Variants in ARHGAP35 observed in about 807,000 individuals in gnomAD.
ARHGAP35 encodes the protein rho GTPase-activating protein 35.
Under a neutral mutation model 111.1 loss-of-function variants are expected in ARHGAP35, and 15 were observed. The ratio of observed to expected loss-of-function variants is 0.13; its 90% CI spans 0.09 to 0.21. The LOEUF is 0.21. Among genes scored for constraint, ARHGAP35 ranks in the 10% least tolerant of loss-of-function variants. ARHGAP35 has a pLI of 1.00. For synonymous variants in ARHGAP35, 643 were observed against 710.3 expected (o/e 0.91, Z 1.51); for missense variants, 1,262 against 1,873.0 (o/e 0.67, Z 6.02).
chr19:46,968,992 C>T (rs1216556690), intron 3 of ARHGAP35, among the ~76,000 whole-genome samples: 4 of 152,002 alleles, frequency 2.6e-5, no homozygotes, highest in Admixed American at 2.0e-4. Flanking sequence ...GAGACTGAGG[C>T]GGAAGAATCT....
Position 46,999,281 on chromosome 19 carries a change from G to T in ARHGAP35, c.4037-23G>T, listed in dbSNP as rs1599875987. 6.5e-7 allele frequency: 1 copy of T among 1,545,522 alleles called. No homozygotes were observed. Among genetic ancestry groups the T allele is most frequent in the African/African-American group, 1.4e-5 (1 of 73,212 alleles). On this transcript the variant is annotated intron_variant, in intron 5 of 6. Coordinates refer to ENST00000672722, the MANE Select transcript of ARHGAP35 (RefSeq NM_004491.5). The surrounding 1 kb of genome is among the most constrained non-coding windows in gnomAD (Gnocchi z 5.4). ...ACCAGCCTCGGCCATGAAAGGCAAG[G>T]CTTTGGTTTTCTCTCTCCTCAGAAA...
chr19:46,929,640 A>G (rs1034902599), intron 2 of ARHGAP35, among the ~76,000 whole-genome samples: 2 of 135,062 alleles, frequency 1.5e-5, no homozygotes, highest in Non-Finnish European at 3.1e-5. Context: ...AACGCCGGGC[A>G]CAGTGGCTCA....
intron 1 of ARHGAP35, among the ~76,000 whole-genome samples, chr19:46,897,544 A>G (rs975673810): frequency 3.3e-5 from 5 of 151,838 alleles, no homozygotes; most frequent in Admixed American, 6.6e-5. Context: ...AGATTTGTCT[A>G]AACAATCTCC....
intron 3 of ARHGAP35, among the ~76,000 whole-genome samples, chr19:46,942,599 T>A (rs59987975): frequency 0.04 from 6,062 of 152,192 alleles, 185 homozygotes; most frequent in East Asian, 0.16. Context: ...ATCGCACCAC[T>A]GCACTCCAGC....
chr19:46,874,573 C>G (rs1395570541), intron 1 of ARHGAP35, among the ~76,000 whole-genome samples: 1 of 129,970 alleles, frequency 7.7e-6, no homozygotes, highest in Non-Finnish European at 1.5e-5. Context: ...GCACAATCTT[C>G]GGCTCACAGC....
At chr19:46,906,570 G>A (rs997547414) in intron 1 of ARHGAP35, among the ~76,000 whole-genome samples, 1 of 152,206 alleles carries the variant, frequency 6.6e-6, no homozygotes, top group African/African-American at 2.4e-5. Flanking sequence ...ACTATAAAGT[G>A]AATACCAATA....
At chr19:46,928,758 C>G (rs1465153271) in intron 2 of ARHGAP35, among the ~76,000 whole-genome samples, 1 of 151,982 alleles carries the variant, frequency 6.6e-6, no homozygotes, top group Non-Finnish European at 1.5e-5. Context: ...ATGGCGAAAC[C>G]CCGTCTCTAC....
Position 46,908,754 on chromosome 19 carries a change from C to T in ARHGAP35, c.-188-9734C>T, listed in dbSNP as rs535370439. Among the ~76,000 whole-genome samples the T allele has an allele frequency of 6.6e-6, 1 of 152,244 alleles. No homozygotes were observed. Among genetic ancestry groups the T allele is most frequent in the South Asian group, 2.1e-4 (1 of 4,822 alleles). On this transcript the variant is annotated intron_variant, in intron 1 of 6. Transcript: ENST00000672722. This position sits in a 1 kb window ranked among gnomAD's most constrained non-coding sequence, Gnocchi z 4.2. Reference sequence around the variant, plus strand: ...GAAATTCTGTTTCTTTGGGACCAGCCTGTAGAGTTCTGCAAGCCTGGAAGC... The same window carrying T: ...GAAATTCTGTTTCTTTGGGACCAGCTTGTAGAGTTCTGCAAGCCTGGAAGC...
At chr19:46,968,947 C>T (rs1311868615) in intron 3 of ARHGAP35, among the ~76,000 whole-genome samples, 1 of 151,962 alleles carries the variant, frequency 6.6e-6, no homozygotes, top group Non-Finnish European at 1.5e-5. Context: ...ATTAGCCGGG[C>T]GTAGTGGTGT....
In ARHGAP35 at chr19:46,988,448, G is replaced by C; in HGVS notation, c.3904+382G>C. On this transcript the variant is annotated intron_variant, in intron 4 of 6. Coordinates refer to ENST00000672722, the MANE Select transcript of ARHGAP35 (RefSeq NM_004491.5). This position sits in a 1 kb window ranked among gnomAD's most constrained non-coding sequence, Gnocchi z 5.4. ...TTGAGATGTGATCCTGTTTTGCCAG[G>C]GCCTCAGATCTACCCTCCTCACAAA... 4.5e-6 allele frequency: 1 copy of C among 221,738 alleles called. No individual in the cohort carries two copies. The highest frequency in any genetic ancestry group is 9.2e-6 in the Non-Finnish European group (1 of 108,788). The allele number at this position is 221,738 out of a possible 1,614,324, so 13.7% of individuals were successfully genotyped here. A position where few individuals can be genotyped will look rare whatever the true frequency, so the allele number is the denominator to read the frequency against.
intron 1 of ARHGAP35, among the ~76,000 whole-genome samples, chr19:46,878,913 G>C (rs960209104): frequency 1.3e-5 from 2 of 152,218 alleles, no homozygotes; most frequent in African/African-American, 4.8e-5. Context: ...GGCTGCAGCA[G>C]TTTGTTAAAA....
chr19:46,887,432 A>C (rs1022948568), intron 1 of ARHGAP35, among the ~76,000 whole-genome samples: 2 of 152,188 alleles, frequency 1.3e-5, no homozygotes, highest in African/African-American at 4.8e-5. Context: ...GGTTATGTGA[A>C]CATTAGGGGA....
rs1030817078 is a variant in ARHGAP35 at position 46,945,573 on chromosome 19, A to G, written c.3826+8165A>G. Among the ~76,000 whole-genome samples, 1 of 152,088 alleles carries G rather than the reference A, an allele frequency of 6.6e-6. No homozygotes were observed. Among genetic ancestry groups the G allele is most frequent in the African/African-American group, 2.4e-5 (1 of 41,388 alleles). ...TTGAGTCAAGCCTTCCTAGGATTCAAGAAATCTGACAGCATAGGAACCCCC... is the reference window on the plus strand; with the variant it reads ...TTGAGTCAAGCCTTCCTAGGATTCAGGAAATCTGACAGCATAGGAACCCCC... On this transcript the variant is annotated intron_variant, in intron 3 of 6. Coordinates refer to ENST00000672722, the MANE Select transcript of ARHGAP35 (RefSeq NM_004491.5). This position sits in a 1 kb window ranked among gnomAD's most constrained non-coding sequence, Gnocchi z 4.1.
intron 1 of ARHGAP35, among the ~76,000 whole-genome samples, chr19:46,880,436 A>T (rs577835657): frequency 6.6e-6 from 1 of 152,220 alleles, no homozygotes; most frequent in Non-Finnish European, 1.5e-5. Context: ...GTCTCAAAAA[A>T]AAAGAAGCAA....
At chr19:46,874,414 A>T (rs2055904573) in intron 1 of ARHGAP35, among the ~76,000 whole-genome samples, 1 of 152,118 alleles carries the variant, frequency 6.6e-6, no homozygotes, top group Non-Finnish European at 1.5e-5. Context: ...TCAATGCAAG[A>T]ATGCATTGAC....
chr19:46,895,638 A>G (rs1026153273), intron 1 of ARHGAP35, among the ~76,000 whole-genome samples: 2 of 152,212 alleles, frequency 1.3e-5, no homozygotes, highest in Admixed American at 6.5e-5. Context: ...CTTTATGGTT[A>G]ACTCTGGCAG....
intron 3 of ARHGAP35, among the ~76,000 whole-genome samples, chr19:46,966,301 C>T (rs2056514969): frequency 6.6e-6 from 1 of 152,158 alleles, no homozygotes; most frequent in Non-Finnish European, 1.5e-5. Flanking sequence ...GTAATCCCAA[C>T]ACTTTGGGAA....
Position 46,921,425 on chromosome 19 carries a change from G to C in ARHGAP35, c.2750G>C (p.Gly917Ala), listed in dbSNP as rs375963730. Residue 917 changes from glycine to alanine, a missense_variant, in exon 2 of 7, where the codon GGA becomes GCA. By Grantham distance (60) the Gly-to-Ala change is moderately conservative. Around this residue, in one of 8 missense-constraint regions of ARHGAP35, gnomAD observed 579 missense variants for 716.9 expected, o/e 0.81. Coordinates refer to ENST00000672722, the MANE Select transcript of ARHGAP35 (RefSeq NM_004491.5). This position sits in a 1 kb window ranked among gnomAD's most constrained non-coding sequence, Gnocchi z 4.3. ...GAGGAGATTGCTCAAGAAATTGACG[G>C]AAGGTTCACAAGCATCCCCTGTAGC... ...EGEEIAQEIDGRFTSIPCSQP... is the reference protein window; with the variant it reads ...EGEEIAQEIDARFTSIPCSQP... 1.5e-5 allele frequency: 24 copies of C among 1,613,848 alleles called. No individual in the cohort carries two copies. Among genetic ancestry groups the C allele is most frequent in the Non-Finnish European group, 1.9e-5 (23 of 1,179,888 alleles).
intron 2 of ARHGAP35, among the ~76,000 whole-genome samples, chr19:46,923,342 C>G (rs1237667965): frequency 6.6e-6 from 1 of 151,922 alleles, no homozygotes; most frequent in African/African-American, 2.4e-5. Context: ...TCTCCATCTC[C>G]TGACATCGTG....
Sources: allele counts gnomAD v4.1 joint callset (sites outside exome capture counted in the v4.1 genomes callset), GRCh38; gene constraint gnomAD v4.1.1; regional missense constraint gnomAD v4.1.1; non-coding constraint Gnocchi (gnomAD v3.1); transcripts MANE v1.5; gene names NCBI Gene and HGNC (gene_info 2026-07-23, HGNC 2026-07-21).